The following SLC5A3 variants were observed in gnomAD, a reference collection of about 807,000 sequenced individuals.
SLC5A3 encodes the protein sodium/myo-inositol cotransporter.
In SLC5A3, 10 loss-of-function variants were observed where a neutral mutation model predicts 43.2. The observed-to-expected ratio is 0.23, with a 90% confidence interval of 0.14 to 0.39. SLC5A3 has a LOEUF of 0.39. SLC5A3 is among the 10% of genes least tolerant of loss of function. The pLI is 1.00. For synonymous variants in SLC5A3, 349 were observed against 322.0 expected, an observed-to-expected ratio of 1.08 and a Z score of -0.90; for missense variants, 608 against 893.4, an observed-to-expected ratio of 0.68 and a Z score of 4.07.
At chr21:34,083,852 A>G (rs2148654425) in intron 1 of SLC5A3, among the ~76,000 whole-genome samples, 1 of 152,230 alleles carries the variant, frequency 6.6e-6, no homozygotes, top group East Asian at 1.9e-4. Context: ...TGTCTTGAGT[A>G]TTTTATCTGA....
In SLC5A3 at chr21:34,073,681, C is replaced by T. The variant is rs1989244128; in HGVS notation, c.-401C>T. 1 of 1,517,184 alleles carries T rather than the reference C, an allele frequency of 6.6e-7. No individual in the cohort carries two copies. Among genetic ancestry groups the T allele is most frequent in the Non-Finnish European group, 8.9e-7 (1 of 1,124,956 alleles). 94.0% of individuals were successfully genotyped at this position (1,517,184 alleles called of 1,614,324 possible). ...CGGGAACCGGCTGGCTTCCGAGCCGCACTCGCCGATCCTCCAGGCATGCCC... is the reference window on the plus strand; with the variant it reads ...CGGGAACCGGCTGGCTTCCGAGCCGTACTCGCCGATCCTCCAGGCATGCCC... On this transcript the variant is annotated 5_prime_UTR_variant, in exon 1 of 2. Transcript: ENST00000381151.
intron 1 of SLC5A3, among the ~76,000 whole-genome samples, chr21:34,077,273 A>G (rs1401001492): frequency 6.6e-6 from 1 of 152,260 alleles, no homozygotes; most frequent in Non-Finnish European, 1.5e-5. Context: ...TTAGGAAAAA[A>G]ATGAAACTTT....
At chr21:34,074,926 C>T (rs1236534274) in intron 1 of SLC5A3, among the ~76,000 whole-genome samples, 1 of 152,150 alleles carries the variant, frequency 6.6e-6, no homozygotes, top group African/African-American at 2.4e-5. Context: ...GACGCCAGTG[C>T]CTCTCTATGA....
At chr21:34,089,293 C>T (rs1255301261) in intron 1 of SLC5A3, among the ~76,000 whole-genome samples, 1 of 152,022 alleles carries the variant, frequency 6.6e-6, no homozygotes, top group East Asian at 1.9e-4. Context: ...GCTGGGATTA[C>T]AGGTGTGAGT....
chr21:34,079,318 A>C (rs1989405773), intron 1 of SLC5A3, among the ~76,000 whole-genome samples: 1 of 152,220 alleles, frequency 6.6e-6, no homozygotes, highest in South Asian at 2.1e-4. Flanking sequence ...AGTCCTTTAC[A>C]GAAGAAATGT....
rs1220771010 is a variant in SLC5A3, at chr21:34,104,537, A to G, written c.*7182A>G. On this transcript the variant is annotated 3_prime_UTR_variant, in exon 2 of 2. Transcript: ENST00000381151. ...TTTAGGGAAAGACTTGGTCAACTCT[A>G]ATATATCTAGAAGGAAGACTATATC... 1.2e-5 allele frequency: 12 copies of G among 997,884 alleles called. No homozygotes were observed. The highest frequency in any genetic ancestry group is 1.3e-5 in the Non-Finnish European group (11 of 827,832). The allele number at this position is 997,884 out of a possible 1,614,324, so 61.8% of individuals were successfully genotyped here. A position where few individuals can be genotyped will look rare whatever the true frequency, so the allele number is the denominator to read the frequency against.
intron 1 of SLC5A3, among the ~76,000 whole-genome samples, chr21:34,083,925 G>GA (rs1215024962): frequency 6.6e-6 from 1 of 152,178 alleles, no homozygotes. Flanking sequence ...GGCATACAAA[G>GA]AAAACAGTCG....
At position 34,105,700 on chromosome 21, in the gene SLC5A3, T is replaced by C; in HGVS notation, c.*8345T>C. On this transcript the variant is annotated 3_prime_UTR_variant, in exon 2 of 2. Transcript: ENST00000381151. ...ATTAATTTTGTTATTAGTGAGTTTT[T>C]TGAATTGTAAATGGATTTCCAGTTT... 2 of 998,964 alleles carry C rather than the reference T, an allele frequency of 2.0e-6. No homozygotes were observed. The highest frequency in any genetic ancestry group is 2.4e-6 in the Non-Finnish European group (2 of 828,844). The allele number at this position is 998,964 out of a possible 1,614,324, so 61.9% of individuals were successfully genotyped here.
At position 34,103,649 on chromosome 21, in the gene SLC5A3, T is replaced by G. The variant is rs1979348549; in HGVS notation, c.*6294T>G. 2.0e-6 allele frequency: 2 copies of G among 1,000,154 alleles called. No individual in the cohort carries two copies. Among genetic ancestry groups the G allele is most frequent in the African/African-American group, 1.7e-5 (1 of 57,352 alleles). The allele number at this position is 1,000,154 out of a possible 1,614,324, so 62.0% of individuals were successfully genotyped here. On this transcript the variant is annotated 3_prime_UTR_variant, in exon 2 of 2. Transcript: ENST00000381151. ...AATAGTATTCTCTGTATCCCACAAGTGCCAGTCATAAAGGCCACCAGGTAT... is the reference window on the plus strand; with the variant it reads ...AATAGTATTCTCTGTATCCCACAAGGGCCAGTCATAAAGGCCACCAGGTAT...
At position 34,099,534 on chromosome 21, in the gene SLC5A3, A is replaced by G. The variant is rs923278330; in HGVS notation, c.*2179A>G. 2.0e-6 allele frequency: 2 copies of G among 999,474 alleles called. No homozygotes were observed. The highest frequency in any genetic ancestry group is 4.7e-5 in the South Asian group (1 of 21,286). The allele number at this position is 999,474 out of a possible 1,614,324, so 61.9% of individuals were successfully genotyped here. A position where few individuals can be genotyped will look rare whatever the true frequency, so the allele number is the denominator to read the frequency against. On this transcript the variant is annotated 3_prime_UTR_variant, in exon 2 of 2. Coordinates refer to ENST00000381151, the MANE Select transcript of SLC5A3 (RefSeq NM_006933.7). ...AACCACATTACTGTGTAATTCACTG[A>G]TAATTGACATATTGGCTGGGCAGCC...
chr21:34,105,423 C>T lies in SLC5A3; in HGVS notation c.*8068C>T. ...TAATATCCTGTGAAATTGCTTCATT[C>T]ATTCATTTATTTTTAAGCCAAATGT... On this transcript the variant is annotated 3_prime_UTR_variant, in exon 2 of 2. Transcript: ENST00000381151. 1.0e-6 allele frequency: 1 copy of T among 998,728 alleles called. No individual in the cohort carries two copies. Among genetic ancestry groups the T allele is most frequent in the Non-Finnish European group, 1.2e-6 (1 of 828,816 alleles). The allele number at this position is 998,728 out of a possible 1,614,324, so 61.9% of individuals were successfully genotyped here. A position where few individuals can be genotyped will look rare whatever the true frequency, so the allele number is the denominator to read the frequency against.
rs1979297563 is a variant in SLC5A3 at position 34,102,624 on chromosome 21, ACT to A, written c.*5272_*5273del. ...ACCAATAACTGTACTTTATGTAATGACTCTTAAATTTGGTTACCTGGGTTCAC... is the reference window on the plus strand; with the variant it reads ...ACCAATAACTGTACTTTATGTAATGACTTAAATTTGGTTACCTGGGTTCAC... On this transcript the variant is annotated 3_prime_UTR_variant, in exon 2 of 2. Transcript: ENST00000381151. 3.0e-6 allele frequency: 3 copies of A among 1,000,186 alleles called. No individual in the cohort carries two copies. In the African/African-American group the frequency reaches 5.2e-5, roughly 17 times the overall value. 62.0% of individuals were successfully genotyped at this position (1,000,186 alleles called of 1,614,324 possible).
intron 1 of SLC5A3, among the ~76,000 whole-genome samples, chr21:34,093,648 T>G (rs1978822167): frequency 6.6e-6 from 1 of 152,104 alleles, no homozygotes; most frequent in Non-Finnish European, 1.5e-5. Context: ...GAGAAATCAT[T>G]TAGAAGTTAA....
intron 1 of SLC5A3, among the ~76,000 whole-genome samples, chr21:34,089,172 C>A (rs983319608): frequency 1.4e-5 from 2 of 147,436 alleles, no homozygotes; most frequent in Non-Finnish European, 3.0e-5. Context: ...GGATTACAGG[C>A]GTGTGCTACC....
Position 34,099,151 on chromosome 21 carries a change from G to A in SLC5A3, c.*1796G>A. 4.0e-6 allele frequency: 4 copies of A among 999,204 alleles called. No individual in the cohort carries two copies. The highest frequency in any genetic ancestry group is 4.8e-6 in the Non-Finnish European group (4 of 829,396). 61.9% of individuals were successfully genotyped at this position (999,204 alleles called of 1,614,324 possible). On this transcript the variant is annotated 3_prime_UTR_variant, in exon 2 of 2. Coordinates refer to ENST00000381151, the MANE Select transcript of SLC5A3 (RefSeq NM_006933.7). ...GTAAATGAAAAAATAATTTATGTAT[G>A]AATAGCATGTATTTCTGAAGAGCTT...
chr21:34,091,257 T>C (rs993645790), intron 1 of SLC5A3, among the ~76,000 whole-genome samples: 6 of 168 alleles, frequency 0.036, no homozygotes, highest in African/African-American at 0.11. Flanking sequence ...TACTACTCTT[T>C]GCAGGCCCCG....
Position 34,100,821 on chromosome 21 carries a change from T to C in SLC5A3, c.*3466T>C. On this transcript the variant is annotated 3_prime_UTR_variant, in exon 2 of 2. Transcript: ENST00000381151. The stretch of plus-strand genomic sequence containing the variant: ...CCCTCTGACTTTGAATATCATTTGG[T>C]GTGGCCTGTGGGTTATTTTCATTCT... 4.0e-6 allele frequency: 4 copies of C among 1,000,274 alleles called. No individual in the cohort carries two copies. The highest frequency in any genetic ancestry group is 4.8e-6 in the Non-Finnish European group (4 of 829,988). The allele number at this position is 1,000,274 out of a possible 1,614,324, so 62.0% of individuals were successfully genotyped here.
Position 34,100,727 on chromosome 21 carries a change from G to A in SLC5A3, c.*3372G>A. Reference sequence around the variant, plus strand: ...CTAAGCAAGGGGTTAACTCTTGTGAGAGCCAATAGAGTGTGTCTGTATTCG... The same window carrying A: ...CTAAGCAAGGGGTTAACTCTTGTGAAAGCCAATAGAGTGTGTCTGTATTCG... On this transcript the variant is annotated 3_prime_UTR_variant, in exon 2 of 2. Transcript: ENST00000381151. 2 of 999,958 alleles carry A rather than the reference G, an allele frequency of 2.0e-6. No homozygotes were observed. Among genetic ancestry groups the A allele is most frequent in the Non-Finnish European group, 2.4e-6 (2 of 829,896 alleles). 61.9% of individuals were successfully genotyped at this position (999,958 alleles called of 1,614,324 possible).
Position 34,101,583 on chromosome 21 carries a change from C to G in SLC5A3, c.*4228C>G, listed in dbSNP as rs1979239957. 1.0e-6 allele frequency: 1 copy of G among 999,852 alleles called. No homozygotes were observed. Among genetic ancestry groups the G allele is most frequent in the South Asian group, 4.7e-5 (1 of 21,284 alleles). 61.9% of individuals were successfully genotyped at this position (999,852 alleles called of 1,614,324 possible). ...TTTCTCTTTGTCTTCCTTCACATTG[C>G]TGTGTCAGTTCTACACCTAGTCTTT... is the stretch of plus-strand genomic sequence containing the variant. On this transcript the variant is annotated 3_prime_UTR_variant, in exon 2 of 2. Coordinates refer to ENST00000381151, the MANE Select transcript of SLC5A3 (RefSeq NM_006933.7).
Sources: gnomAD v4.1 joint callset for allele counts (sites outside exome capture counted in the v4.1 genomes callset) on GRCh38, gnomAD v4.1.1 for gene constraint, MANE v1.5 for transcripts, NCBI Gene and HGNC (gene_info 2026-07-23, HGNC 2026-07-21) for gene names.